RBFOX1: variants seen among roughly 807,000 people sequenced by gnomAD.
RBFOX1 encodes RNA binding protein fox-1 homolog 1.
A neutral mutation model predicts 57.7 loss-of-function variants in RBFOX1; 8 were observed. The ratio of observed to expected loss-of-function variants is 0.14; its 90% CI spans 0.08 to 0.25. The LOEUF (loss-of-function observed/expected upper bound fraction) is 0.25. Among genes scored for constraint, RBFOX1 ranks in the 10% least tolerant of loss-of-function variants. The probability of loss-of-function intolerance (pLI) is 1.00; values close to 1 mark genes in which losing one functional copy is unlikely to be tolerated. For missense variants in RBFOX1, 611 were observed against 548.5 expected (o/e 1.11, Z -1.14); for synonymous variants, 326 against 222.4 (o/e 1.47, Z -4.15).
intron 4 of RBFOX1, among the ~76,000 whole-genome samples, chr16:7,121,185 A>G (rs561410796): frequency 5.3e-5 from 8 of 152,098 alleles, no homozygotes; most frequent in East Asian, 1.9e-4. Context: ...AGTGACTGCT[A>G]TCTCCATTAG....
At chr16:6,750,818 A>G (rs1192781118) in intron 3 of RBFOX1, among the ~76,000 whole-genome samples, 3 of 152,338 alleles carry the variant, frequency 2.0e-5, no homozygotes, top group African/African-American at 4.8e-5. Flanking sequence ...GTTAATAACA[A>G]TAAACGCCAA....
chr16:6,519,622 AC>A, intron 2 of RBFOX1, among the ~76,000 whole-genome samples: 1 of 152,180 alleles, frequency 6.6e-6, no homozygotes. Context: ...AATTGCTTGA[AC>A]CCGGGAGGTG....
chr16:6,465,759 C>T (rs75479810), intron 2 of RBFOX1, among the ~76,000 whole-genome samples: 4,907 of 151,852 alleles, frequency 0.032, 268 homozygotes, highest in African/African-American at 0.11. Context: ...ACCATGTGGT[C>T]CAAAATATTT....
intron 4 of RBFOX1, among the ~76,000 whole-genome samples, chr16:5,923,163 A>T (rs1307558415): frequency 6.6e-6 from 1 of 152,186 alleles, no homozygotes; most frequent in African/African-American, 2.4e-5. Context: ...AGAGAGGAAA[A>T]ACGGCTGCTA....
At chr16:6,610,741 C>G (rs1292513583) in intron 2 of RBFOX1, among the ~76,000 whole-genome samples, 2 of 152,212 alleles carry the variant, frequency 1.3e-5, no homozygotes, top group Admixed American at 6.5e-5. Flanking sequence ...TTCCGCCAAA[C>G]AATCACTACC....
chr16:5,502,823 T>A (rs1475300119), intron 2 of RBFOX1, among the ~76,000 whole-genome samples: 1 of 152,162 alleles, frequency 6.6e-6, no homozygotes, highest in Non-Finnish European at 1.5e-5. Flanking sequence ...CTTCCGCGTC[T>A]CAGGGGACCC....
chr16:5,742,375 C>T (rs1009872535), intron 3 of RBFOX1, among the ~76,000 whole-genome samples: 1 of 131,064 alleles, frequency 7.6e-6, no homozygotes, highest in Non-Finnish European at 1.7e-5. Context: ...TCCTTCCTCT[C>T]CTTCTCCAAA....
At chr16:7,116,119 C>G (rs776081831) in intron 4 of RBFOX1, among the ~76,000 whole-genome samples, 1 of 152,154 alleles carries the variant, frequency 6.6e-6, no homozygotes, top group Non-Finnish European at 1.5e-5. Flanking sequence ...AACTGAGGCA[C>G]AGACAACAAT....
chr16:6,832,767 A>G (rs1421056976), intron 3 of RBFOX1, among the ~76,000 whole-genome samples: 5 of 152,128 alleles, frequency 3.3e-5, no homozygotes, highest in Non-Finnish European at 5.9e-5. Context: ...TACCTGTTTG[A>G]GCTGCCAGGC....
chr16:6,817,300 T>G (rs189192987), intron 3 of RBFOX1, among the ~76,000 whole-genome samples: 63 of 152,206 alleles, frequency 4.1e-4, no homozygotes, highest in Admixed American at 4.1e-3. Context: ...TCAAACACAT[T>G]TAACCAAAGC....
At chr16:6,382,213 A>G (rs2091881919) in intron 2 of RBFOX1, among the ~76,000 whole-genome samples, 1 of 152,192 alleles carries the variant, frequency 6.6e-6, no homozygotes, top group African/African-American at 2.4e-5. Flanking sequence ...TGCAAGAGCC[A>G]TTTTAGCCTG....
chr16:7,248,973 G>C (rs965087889), intron 4 of RBFOX1, among the ~76,000 whole-genome samples: 3 of 152,140 alleles, frequency 2.0e-5, no homozygotes, highest in African/African-American at 7.2e-5. Flanking sequence ...TTTGTCTGTG[G>C]AATCCCAGAT....
At chr16:7,403,925 A>G (rs1036298768) in intron 4 of RBFOX1, among the ~76,000 whole-genome samples, 11 of 150,604 alleles carry the variant, frequency 7.3e-5, no homozygotes, top group African/African-American at 2.7e-4. Flanking sequence ...ATATATATAT[A>G]TAACCTTTTT....
In RBFOX1 at chr16:6,826,575, C is replaced by T. The variant is rs1375401867; in HGVS notation, c.-16+171925C>T. 3.9e-5 allele frequency among the ~76,000 whole-genome samples: 6 copies of T among 152,260 alleles called. 1 individual carries two copies. The highest frequency in any genetic ancestry group is 4.1e-4 in the South Asian group (2 of 4,828). On this transcript the variant is annotated intron_variant, in intron 3 of 15. Transcript: ENST00000550418. ...GTGCTTGCGGGCATGCGTGCTCTCA[C>T]GTGCTCTATTCCTCCTCTCTTTGGT...
chr16:5,578,328 G>A (rs563774634), intron 2 of RBFOX1, among the ~76,000 whole-genome samples: 74 of 152,194 alleles, frequency 4.9e-4, no homozygotes, highest in Middle Eastern at 6.8e-3. Context: ...GGTCTTTCTG[G>A]CAGCCAAAAT....
chr16:7,092,596 G>C (rs2061041316), intron 4 of RBFOX1, among the ~76,000 whole-genome samples: 1 of 152,152 alleles, frequency 6.6e-6, no homozygotes, highest in Non-Finnish European at 1.5e-5. Flanking sequence ...TTCCTGGTAT[G>C]GTGTGAATGC....
intron 1 of RBFOX1, among the ~76,000 whole-genome samples, chr16:5,269,828 T>G (rs145876349): frequency 6.6e-6 from 1 of 152,314 alleles, no homozygotes; most frequent in Admixed American, 6.5e-5. Context: ...ACAGCCCAAG[T>G]TGCAATTTTA....
chr16:6,675,227 C>T (rs568482806), intron 3 of RBFOX1, among the ~76,000 whole-genome samples: 153 of 152,178 alleles, frequency 1.0e-3, no homozygotes, highest in African/African-American at 3.5e-3. Flanking sequence ...TTAAGCAACC[C>T]AGGTTGTGGT....
intron 4 of RBFOX1, among the ~76,000 whole-genome samples, chr16:7,406,834 C>G (rs1407969352): frequency 6.6e-6 from 1 of 152,168 alleles, no homozygotes; most frequent in Non-Finnish European, 1.5e-5. Flanking sequence ...TTCTGGAAAT[C>G]TAGGGGAAAG....
Sources: allele counts gnomAD v4.1 joint callset (sites outside exome capture counted in the v4.1 genomes callset), GRCh38; gene constraint gnomAD v4.1.1; transcripts MANE v1.5; gene names NCBI Gene and HGNC (gene_info 2026-07-23, HGNC 2026-07-21).